SPATC1: variants seen among roughly 807,000 people sequenced by gnomAD.
SPATC1 encodes the protein speriolin.
SPATC1 carries 35 observed loss-of-function variants against 36.5 expected under a neutral mutation model. The observed-to-expected ratio is 0.96, with a 90% CI of 0.73 to 1.27. SPATC1 has a LOEUF of 1.27. Among genes scored for constraint, SPATC1 ranks in the 50% most tolerant of loss-of-function variants. The pLI is 0.00. For missense variants in SPATC1, 779 were observed against 796.0 expected (o/e 0.98, Z 0.26); for synonymous variants, 361 against 353.6 (o/e 1.02, Z -0.24).
At chr8:144,041,492 G>T in intron 4 of SPATC1, 121 bp downstream of exon 4, 1 of 1,298,986 alleles carries the variant, frequency 7.7e-7, no homozygotes, top group East Asian at 2.5e-5. Context: ...GATAGAGGAA[G>T]CTGACTGCTC....
intron 1 of SPATC1, among the ~76,000 whole-genome samples, chr8:144,013,394 G>C (rs944091377): frequency 1.3e-5 from 2 of 152,132 alleles, no homozygotes; most frequent in Admixed American, 6.5e-5. Context: ...GGCTCAATGA[G>C]TCACTGGAAC....
rs1554753289 is a variant in SPATC1, at chr8:144,016,696, C to T, written c.211+3970C>T. Among the ~76,000 whole-genome samples, 6 of 152,046 alleles carry T rather than the reference C, an allele frequency of 3.9e-5. No individual in the cohort carries two copies. The South Asian group carries it at 8.3e-4, about 21-fold the overall frequency. On this transcript the variant is annotated intron_variant, in intron 1 of 4. Coordinates refer to ENST00000377470, the MANE Select transcript of SPATC1 (RefSeq NM_198572.3). The surrounding 1 kb of genome is among the most constrained non-coding windows in gnomAD (Gnocchi z 4.5). ...TGTTGCCCAGGCTGGAGTGCAATGG[C>T]GCAATCTCGGCTCACCGCAACCTCC...
At chr8:144,019,062 AAG>A (rs1491318201) in intron 1 of SPATC1, among the ~76,000 whole-genome samples, 2 of 150,852 alleles carry the variant, frequency 1.3e-5, no homozygotes, top group Non-Finnish European at 3.0e-5. Flanking sequence ...AAAAAAAAAA[AAG>A]GGACGGGGAA....
intron 1 of SPATC1, among the ~76,000 whole-genome samples, chr8:144,017,842 G>A (rs1219983284): frequency 2.6e-5 from 4 of 152,262 alleles, no homozygotes; most frequent in African/African-American, 9.6e-5. Context: ...AGAAGGAAAG[G>A]CAGTTTTGGA....
At chr8:144,024,012 GACCCTCTCCCCTCAGA>G (rs1397987868) in intron 1 of SPATC1, among the ~76,000 whole-genome samples, 6 of 143,714 alleles carry the variant, frequency 4.2e-5, no homozygotes, top group Admixed American at 6.9e-5. Flanking sequence ...CTACCCTAAG[GACCCTCTCCCCTCAGA>G]ACCCTCTCCT....
chr8:144,038,424 C>T (rs1296300038), intron 1 of SPATC1, among the ~76,000 whole-genome samples: 1 of 138,412 alleles, frequency 7.2e-6, no homozygotes, highest in Non-Finnish European at 1.5e-5. Flanking sequence ...CAGAGCGAGA[C>T]TCTGTCTCAA....
chr8:144,042,947 C>G (rs1288383741), intron 4 of SPATC1, among the ~76,000 whole-genome samples: 1 of 151,094 alleles, frequency 6.6e-6, no homozygotes, highest in Admixed American at 6.6e-5. Flanking sequence ...ATCTCAGCCT[C>G]TCTGCTAACT....
chr8:144,029,159 C>T (rs1313247657), intron 1 of SPATC1, among the ~76,000 whole-genome samples: 1 of 131,090 alleles, frequency 7.6e-6, no homozygotes, highest in Admixed American at 8.4e-5. Flanking sequence ...CACACATTTA[C>T]CTATGTAACA....
Position 144,040,231 on chromosome 8 carries a change from C to A in SPATC1, c.534C>A (p.Ser178=), listed in dbSNP as rs1168761630. The A allele has an allele frequency of 6.2e-7, 1 of 1,612,870 alleles. No individual in the cohort carries two copies. Among genetic ancestry groups the A allele is most frequent in the Non-Finnish European group, 8.5e-7 (1 of 1,179,836 alleles). ...SSLVAGPVAM[S]QSSPLIAPVM... ...TCGTGGCAGGCCCTGTGGCCATGTCCCAGAGCAGCCCCCTGATAGCCCCTG... is the reference window on the plus strand; with the variant it reads ...TCGTGGCAGGCCCTGTGGCCATGTCACAGAGCAGCCCCCTGATAGCCCCTG... The change falls in exon 2 of 5, where the codon TCC becomes TCA. Residue 178 remains serine, a synonymous_variant. Transcript: ENST00000377470.
intron 4 of SPATC1, among the ~76,000 whole-genome samples, chr8:144,041,598 G>A (rs558424699): frequency 5.9e-5 from 9 of 152,314 alleles, no homozygotes; most frequent in South Asian, 2.1e-4. Context: ...ATGGTCGGGC[G>A]GCTCTCCCCC....
At chr8:144,034,927 A>G (rs1161695674) in intron 1 of SPATC1, among the ~76,000 whole-genome samples, 1 of 152,160 alleles carries the variant, frequency 6.6e-6, no homozygotes, top group African/African-American at 2.4e-5. Flanking sequence ...GGCAACTCTC[A>G]GCTTTTAATC....
chr8:144,014,208 G>C (rs909854894), intron 1 of SPATC1, among the ~76,000 whole-genome samples: 1 of 151,806 alleles, frequency 6.6e-6, no homozygotes, highest in Non-Finnish European at 1.5e-5. Flanking sequence ...CCGAGGTTGC[G>C]CCATTGCACT....
At chr8:144,037,009 C>T (rs1834912085) in intron 1 of SPATC1, among the ~76,000 whole-genome samples, 1 of 151,304 alleles carries the variant, frequency 6.6e-6, no homozygotes, top group African/African-American at 2.4e-5. Context: ...TGATCTATGC[C>T]ACCACCACCT....
intron 1 of SPATC1, among the ~76,000 whole-genome samples, chr8:144,018,760 G>A (rs983582768): frequency 1.3e-5 from 2 of 151,712 alleles, no homozygotes; most frequent in Admixed American, 6.6e-5. Context: ...GGCTGGGCAC[G>A]GTGGCTCACA....
chr8:144,046,555 C>A lies in SPATC1; in HGVS notation c.1447-72C>A. 1 of 1,420,072 alleles carries A rather than the reference C, an allele frequency of 7.0e-7. No homozygotes were observed. Among genetic ancestry groups the A allele is most frequent in the Non-Finnish European group, 9.6e-7 (1 of 1,039,248 alleles). The allele number at this position is 1,420,072 out of a possible 1,614,324, so 88.0% of individuals were successfully genotyped here. A position where few individuals can be genotyped will look rare whatever the true frequency, so the allele number is the denominator to read the frequency against. On this transcript the variant is annotated intron_variant, in intron 4 of 4. Transcript: ENST00000377470. This position sits in a 1 kb window ranked among gnomAD's most constrained non-coding sequence, Gnocchi z 6.6. ...CCATCTCACAGCCTCACCTGCCCCT[C>A]GGTCTTCCCCTTACCTGCCTGTGTG...
intron 1 of SPATC1, 134 bp from the exon 2 acceptor site, chr8:144,039,775 G>T: frequency 1.1e-6 from 1 of 922,468 alleles, no homozygotes; most frequent in Non-Finnish European, 1.6e-6. Flanking sequence ...CAGAGACCAG[G>T]TCGGACCAGT....
chr8:144,024,579 C>T (rs965335449), intron 1 of SPATC1, among the ~76,000 whole-genome samples: 99 of 149,662 alleles, frequency 6.6e-4, no homozygotes, highest in African/African-American at 1.8e-3. Context: ...AGAACCCTTT[C>T]CCTAAGGTCC....
In SPATC1 at chr8:144,024,210, A is replaced by G. The variant is rs1454363479; in HGVS notation, c.211+11484A>G. On this transcript the variant is annotated intron_variant, in intron 1 of 4. Coordinates refer to ENST00000377470, the MANE Select transcript of SPATC1 (RefSeq NM_198572.3). ...CCCTTCAGGACTCTCTTCCCTCAGG[A>G]CCCTCTACCCTCAGGATGCTCTCCC... Among the ~76,000 whole-genome samples, 7 of 147,292 alleles carry G rather than the reference A, an allele frequency of 4.8e-5. No homozygotes were observed. The East Asian group carries it at 1.4e-3, about 30-fold the overall frequency.
At chr8:144,019,440 C>G (rs1306018784) in intron 1 of SPATC1, among the ~76,000 whole-genome samples, 1 of 152,172 alleles carries the variant, frequency 6.6e-6, no homozygotes, top group East Asian at 1.9e-4. Context: ...TCTGAAGAGG[C>G]AGGAAATCAG....
Sources: allele counts gnomAD v4.1 joint callset (sites outside exome capture counted in the v4.1 genomes callset), GRCh38; gene constraint gnomAD v4.1.1; non-coding constraint Gnocchi (gnomAD v3.1); transcripts MANE v1.5; gene names NCBI Gene and HGNC (gene_info 2026-07-23, HGNC 2026-07-21).